Variants in CHP1 observed in about 807,000 individuals in gnomAD.
CHP1 encodes the protein calcineurin like EF-hand protein 1.
CHP1 carries 11 observed loss-of-function variants against 27.4 expected under a neutral mutation model. That is an observed-to-expected ratio of 0.40 (90% CI 0.25 to 0.67). The LOEUF is 0.67. Ranked by LOEUF, CHP1 falls within the 30% of genes least tolerant of loss-of-function variation. The pLI is 0.38. For missense variants in CHP1, 169 were observed against 251.3 expected (o/e 0.67, Z 2.22); for synonymous variants, 89 against 87.4 (o/e 1.02, Z -0.10).
rs953130867 is a variant in CHP1, at chr15:41,264,297, G to A, written c.349+1414G>A. On this transcript the variant is annotated intron_variant, in intron 4 of 6. Transcript: ENST00000334660. ...GTCAGGAGAGTGCGAGTGCCGAGGA[G>A]ATTAGGCTAATGAGATTCCCCTCCT... 12 of 928,948 alleles carry A rather than the reference G, an allele frequency of 1.3e-5. No individual in the cohort carries two copies. The Admixed American group carries it at 2.4e-4, about 19-fold the overall frequency. 57.5% of individuals were successfully genotyped at this position (928,948 alleles called of 1,614,324 possible).
chr15:41,232,850 G>A (rs952622705), intron 1 of CHP1, among the ~76,000 whole-genome samples: 1 of 152,126 alleles, frequency 6.6e-6, no homozygotes, highest in African/African-American at 2.4e-5. Flanking sequence ...GCCTGTTTAA[G>A]TGCTGTTCTC....
intron 1 of CHP1, among the ~76,000 whole-genome samples, chr15:41,239,115 A>G (rs1303180900): frequency 6.6e-6 from 1 of 152,188 alleles, no homozygotes; most frequent in Non-Finnish European, 1.5e-5. Flanking sequence ...TCTTTGTCAC[A>G]GTGAATTTAG....
In CHP1 at chr15:41,280,505, A is replaced by ATTT. The variant is rs34921023; in HGVS notation, c.*1141_*1143dup. The ATTT allele has an allele frequency of 0.029, 3,243 of 111,324 alleles. 216 individuals are homozygous for ATTT. The highest frequency in any genetic ancestry group is 0.039 in the Non-Finnish European group (2,182 of 56,568). 6.9% of individuals were successfully genotyped at this position (111,324 alleles called of 1,614,324 possible). On this transcript the variant is annotated 3_prime_UTR_variant, in exon 7 of 7. Transcript: ENST00000334660. ...GGAAGTGCCTAATATCCCAGTCCAA[A>ATTT]TTTTTTTTTTTTTTTTTTTTTTTTT...
At chr15:41,266,640 A>T (rs2047462333) in intron 4 of CHP1, among the ~76,000 whole-genome samples, 1 of 152,232 alleles carries the variant, frequency 6.6e-6, no homozygotes, top group African/African-American at 2.4e-5. Flanking sequence ...CCTAGTGTCC[A>T]TCGACAGATG....
Position 41,267,000 on chromosome 15 carries a change from G to GA in CHP1, c.350-3547dup, listed in dbSNP as rs924199173. ...GGGCGACAGAGCAAGACTCCATCTC[G>GA]AAAAAAAAAAGGAAATTCTGGCAAA... is the stretch of plus-strand genomic sequence containing the variant. On this transcript the variant is annotated intron_variant, in intron 4 of 6. Transcript: ENST00000334660. 5.5e-5 allele frequency among the ~76,000 whole-genome samples: 8 copies of GA among 145,164 alleles called. No individual in the cohort carries two copies. In the East Asian group the frequency reaches 6.0e-4, roughly 11 times the overall value.
chr15:41,265,553 T>A (rs1284717353), intron 4 of CHP1, among the ~76,000 whole-genome samples: 1 of 145,486 alleles, frequency 6.9e-6, no homozygotes. Context: ...GTACTAAAAA[T>A]ACAAAAAATT....
intron 3 of CHP1, among the ~76,000 whole-genome samples, chr15:41,257,983 C>G (rs1000219978): frequency 6.6e-6 from 1 of 152,198 alleles, no homozygotes; most frequent in Non-Finnish European, 1.5e-5. Flanking sequence ...CAGTATTGAA[C>G]AGCGCAGCTT....
intron 2 of CHP1, among the ~76,000 whole-genome samples, chr15:41,248,048 A>C (rs946237636): frequency 1.3e-5 from 2 of 152,098 alleles, no homozygotes; most frequent in African/African-American, 4.8e-5. Context: ...GTAAGTTACC[A>C]TTTCACAGCC....
intron 4 of CHP1, 37 bp downstream of exon 4, chr15:41,262,920 T>A: frequency 6.2e-7 from 1 of 1,608,018 alleles, no homozygotes; most frequent in Non-Finnish European, 8.5e-7. Context: ...AAATACTTGC[T>A]TTTCATTTCT....
In CHP1 at chr15:41,271,990, G is replaced by A. The variant is rs1235687998; in HGVS notation, c.411+1372G>A. Among the ~76,000 whole-genome samples the A allele has an allele frequency of 2.0e-5, 3 of 152,198 alleles. No homozygotes were observed. The East Asian group carries it at 5.8e-4, about 29-fold the overall frequency. On this transcript the variant is annotated intron_variant, in intron 5 of 6. Coordinates refer to ENST00000334660, the MANE Select transcript of CHP1 (RefSeq NM_007236.5). ...TATCCACCCGCCTCGGCCTCTCAAA[G>A]TGTTGGGATTACAGGCGTGAGCCAC...
chr15:41,270,598 T>A lies in CHP1; in HGVS notation c.391T>A (p.Ser131Thr), dbSNP rs750974167. The change falls in exon 5 of 7, where the codon TCC (serine) becomes ACC (threonine). Residue 131 changes from serine to threonine, a missense_variant. Transcript: ENST00000334660. ...LYDLDKDEKISRDELLQVLRM... is the reference protein window; with the variant it reads ...LYDLDKDEKITRDELLQVLRM... ...TGATTTGGATAAAGATGAAAAGATC[T>A]CCCGTGATGAGCTGTTACAGGTATG... The A allele has an allele frequency of 6.2e-7, 1 of 1,613,938 alleles. No individual in the cohort carries two copies. Among genetic ancestry groups the A allele is most frequent in the Non-Finnish European group, 8.5e-7 (1 of 1,179,816 alleles).
intron 5 of CHP1, among the ~76,000 whole-genome samples, chr15:41,277,052 T>G (rs2047522802): frequency 1.3e-5 from 2 of 152,240 alleles, no homozygotes; most frequent in South Asian, 4.1e-4. Flanking sequence ...TCCAGTCACC[T>G]AGATAAGTTC....
At chr15:41,236,261 TTTTA>T (rs953495047) in intron 1 of CHP1, among the ~76,000 whole-genome samples, 1 of 151,648 alleles carries the variant, frequency 6.6e-6, no homozygotes, top group African/African-American at 2.4e-5. Flanking sequence ...GATTTTTAAT[TTTTA>T]TTTATTTATT....
intron 2 of CHP1, among the ~76,000 whole-genome samples, chr15:41,243,941 C>G (rs1262498018): frequency 6.6e-6 from 1 of 152,140 alleles, no homozygotes; most frequent in Admixed American, 6.6e-5. Flanking sequence ...TGGCTCACGC[C>G]TTAATCCCAG....
chr15:41,242,454 A>G (rs2047311513), intron 1 of CHP1, among the ~76,000 whole-genome samples: 1 of 152,168 alleles, frequency 6.6e-6, no homozygotes, highest in Non-Finnish European at 1.5e-5. Context: ...TATTTTTTCA[A>G]TCAAAACATG....
At chr15:41,263,742 G>C (rs2047444730) in intron 4 of CHP1, among the ~76,000 whole-genome samples, 1 of 152,128 alleles carries the variant, frequency 6.6e-6, no homozygotes, top group African/African-American at 2.4e-5. Context: ...AGGTGTGGTG[G>C]CAGGCACCTG....
At chr15:41,257,364 G>T (rs1338979965) in intron 3 of CHP1, among the ~76,000 whole-genome samples, 1 of 151,932 alleles carries the variant, frequency 6.6e-6, no homozygotes, top group African/African-American at 2.4e-5. Flanking sequence ...TTAACATTTT[G>T]CCTCATTTGT....
intron 2 of CHP1, among the ~76,000 whole-genome samples, chr15:41,253,165 T>C (rs1207599139): frequency 6.6e-6 from 1 of 151,416 alleles, no homozygotes; most frequent in African/African-American, 2.4e-5. Context: ...TCTTGATCTC[T>C]TGACCTCGTG....
intron 2 of CHP1, among the ~76,000 whole-genome samples, chr15:41,245,354 G>C (rs1399201281): frequency 1.5e-4 from 23 of 151,988 alleles, no homozygotes; most frequent in Admixed American, 6.6e-4. Flanking sequence ...GGTGGTGGGC[G>C]CCTGTAATCC....
Sources: gnomAD v4.1 joint callset for allele counts (sites outside exome capture counted in the v4.1 genomes callset) on GRCh38, gnomAD v4.1.1 for gene constraint, MANE v1.5 for transcripts, NCBI Gene and HGNC (gene_info 2026-07-23, HGNC 2026-07-21) for gene names.